Variants in KSR1 observed in about 807,000 individuals in gnomAD.
KSR1 encodes the protein kinase suppressor of ras.
KSR1 carries 35 observed loss-of-function variants against 92.9 expected under a neutral mutation model. The observed-to-expected ratio is 0.38, with a 90% CI of 0.29 to 0.50. The LOEUF (loss-of-function observed/expected upper bound fraction) is 0.50. KSR1 is among the 20% of genes least tolerant of loss of function. The probability of loss-of-function intolerance (pLI) is 0.94; values close to 1 mark genes in which losing one functional copy is unlikely to be tolerated. For missense variants in KSR1, 972 were observed against 1,158.5 expected (o/e 0.84, Z 2.34); for synonymous variants, 467 against 472.6 (o/e 0.99, Z 0.15).
At position 27,621,273 on chromosome 17, in the gene KSR1, A is replaced by G; in HGVS notation, c.2708A>G (p.Tyr903Cys). The G allele has an allele frequency of 5.0e-6, 2 of 398,696 alleles. No individual in the cohort carries two copies. Among genetic ancestry groups the G allele is most frequent in the East Asian group, 3.6e-5 (1 of 28,082 alleles). The allele number at this position is 398,696 out of a possible 1,614,324, so 24.7% of individuals were successfully genotyped here. A position where few individuals can be genotyped will look rare whatever the true frequency, so the allele number is the denominator to read the frequency against. ...AGCTCCTGTCCGATTCTGGAGGAAT[A>G]GTGTGTTCCTGTTACTTCCTTCGCT... Reference protein sequence around the residue: ...FKSSCPILEEYINSSKVVPRF... With the variant: ...FKSSCPILEECINSSKVVPRF... Residue 903 changes from tyrosine to cysteine, a missense_variant and splice_region_variant, in exon 20 of 21, where the codon TAC (tyrosine) becomes TGC (cysteine). Physicochemically the swap from Tyr to Cys is radical, Grantham distance 194. Transcript: ENST00000644974.
intron 1 of KSR1, among the ~76,000 whole-genome samples, chr17:27,540,973 G>T (rs1246583739): frequency 6.6e-6 from 1 of 152,264 alleles, no homozygotes. Flanking sequence ...GGAAGTGGAA[G>T]ATGTAAGGGG....
At chr17:27,566,376 C>G (rs1170108046) in intron 2 of KSR1, 1 of 398,744 alleles carries the variant, frequency 2.5e-6, no homozygotes, top group Non-Finnish European at 4.4e-6. Context: ...AACAGAAACC[C>G]CTCTCCCTGC....
At chr17:27,590,024 T>C (rs1238642279) in intron 6 of KSR1, among the ~76,000 whole-genome samples, 1 of 152,262 alleles carries the variant, frequency 6.6e-6, no homozygotes, top group African/African-American at 2.4e-5. Context: ...AGATACAATT[T>C]ATGTAGAGCA....
At chr17:27,505,467 A>G (rs752820292) in intron 1 of KSR1, among the ~76,000 whole-genome samples, 42 of 152,244 alleles carry the variant, frequency 2.8e-4, no homozygotes, top group Non-Finnish European at 5.3e-4. Flanking sequence ...GGATGCAGGC[A>G]GCAGAGGTTT....
intron 18 of KSR1, 45 bp downstream of exon 18, chr17:27,611,674 G>A (rs568634150): frequency 6.2e-7 from 1 of 1,610,880 alleles, no homozygotes; most frequent in East Asian, 2.2e-5. Flanking sequence ...CTGGAGGTGG[G>A]GTGGGGCATG....
At chr17:27,553,546 A>T (rs997067044) in intron 2 of KSR1, among the ~76,000 whole-genome samples, 1 of 152,138 alleles carries the variant, frequency 6.6e-6, no homozygotes, top group African/African-American at 2.4e-5. Flanking sequence ...GCTGGAGTGG[A>T]TGGGGAGCAG....
rs753181815 is a variant in KSR1, at chr17:27,459,404, T to G, written c.231+2530T>G. Among the ~76,000 whole-genome samples the G allele has an allele frequency of 3.9e-5, 6 of 152,190 alleles. No homozygotes were observed. The highest frequency in any genetic ancestry group is 4.1e-4 in the South Asian group (2 of 4,834). On this transcript the variant is annotated intron_variant, in intron 1 of 20. Transcript: ENST00000644974. The surrounding 1 kb of genome is among the most constrained non-coding windows in gnomAD (Gnocchi z 4.6). Reference sequence around the variant, plus strand: ...TTATGGGTTCAGTAAATCTGGATTTTAGGGAAAGGTACTTCTGCAGCTGCC... The same window carrying G: ...TTATGGGTTCAGTAAATCTGGATTTGAGGGAAAGGTACTTCTGCAGCTGCC...
intron 9 of KSR1, among the ~76,000 whole-genome samples, chr17:27,596,745 T>G (rs138283547): frequency 2.0e-5 from 3 of 152,326 alleles, no homozygotes; most frequent in African/African-American, 7.2e-5. Context: ...TCTCCCTACT[T>G]CTGGCAGAGT....
intron 4 of KSR1, chr17:27,583,986 T>C (rs2072874588): frequency 6.1e-6 from 6 of 984,578 alleles, no homozygotes; most frequent in African/African-American, 1.7e-5. Flanking sequence ...CCCATTTGTT[T>C]GACTTGTTCA....
chr17:27,499,907 A>C (rs1409527491), intron 1 of KSR1, among the ~76,000 whole-genome samples: 2 of 152,234 alleles, frequency 1.3e-5, no homozygotes, highest in Non-Finnish European at 2.9e-5. Context: ...TGTGGCAAGC[A>C]CATGGTTCAT....
At chr17:27,506,869 G>C (rs1014874399) in intron 1 of KSR1, among the ~76,000 whole-genome samples, 8 of 152,078 alleles carry the variant, frequency 5.3e-5, no homozygotes, top group Admixed American at 1.3e-4. Flanking sequence ...GCCCCCAGCT[G>C]TCAGAGAAGT....
intron 3 of KSR1, among the ~76,000 whole-genome samples, chr17:27,580,110 A>T (rs1390981400): frequency 6.6e-6 from 1 of 152,146 alleles, no homozygotes; most frequent in East Asian, 1.9e-4. Context: ...AAGTGGGCCT[A>T]GAGCAGTGGT....
chr17:27,490,383 T>G (rs1045436980), intron 1 of KSR1, among the ~76,000 whole-genome samples: 3 of 152,242 alleles, frequency 2.0e-5, no homozygotes, highest in Non-Finnish European at 4.4e-5. Flanking sequence ...CCATTTTATC[T>G]TCCCCATTGT....
intron 5 of KSR1, chr17:27,588,250 G>A: frequency 2.8e-6 from 1 of 351,600 alleles, no homozygotes; most frequent in Non-Finnish European, 5.2e-6. Flanking sequence ...GCCATCCTCA[G>A]AGGCCAGGAG....
intron 2 of KSR1, chr17:27,558,208 G>C (rs971538031): frequency 1.3e-5 from 2 of 151,750 alleles, no homozygotes; most frequent in African/African-American, 4.9e-5. Flanking sequence ...GCACCTGCCA[G>C]ACCTCTTCAC....
chr17:27,609,429 C>A, intron 16 of KSR1, 100 bp downstream of exon 16: 1 of 1,476,228 alleles, frequency 6.8e-7, no homozygotes. Context: ...GAGCTGCAGC[C>A]CTCCCTGCAG....
At chr17:27,515,902 C>CT (rs937805880) in intron 1 of KSR1, among the ~76,000 whole-genome samples, 32 of 151,196 alleles carry the variant, frequency 2.1e-4, no homozygotes, top group Middle Eastern at 3.4e-3. Context: ...AAGAATTTGC[C>CT]TTTTTTTTTG....
chr17:27,568,520 G>A (rs528448820), intron 2 of KSR1, among the ~76,000 whole-genome samples: 19 of 152,318 alleles, frequency 1.2e-4, no homozygotes, highest in Admixed American at 5.9e-4. Flanking sequence ...GAGGGGACTC[G>A]TCTGACCATT....
chr17:27,554,201 G>A (rs1042505530), intron 2 of KSR1, among the ~76,000 whole-genome samples: 7 of 152,226 alleles, frequency 4.6e-5, no homozygotes, highest in African/African-American at 1.7e-4. Context: ...TTATGCCAGA[G>A]GTTGCAGTTT....
Sources: allele counts gnomAD v4.1 joint callset (sites outside exome capture counted in the v4.1 genomes callset), GRCh38; gene constraint gnomAD v4.1.1; non-coding constraint Gnocchi (gnomAD v3.1); transcripts MANE v1.5; gene names NCBI Gene and HGNC (gene_info 2026-07-23, HGNC 2026-07-21).